Variants in ZNF248 observed in about 807,000 individuals in gnomAD.
ZNF248 encodes the protein zinc finger protein 248, also known as KRAB protein domain.
ZNF248 carries 20 observed loss-of-function variants against 44.3 expected under a neutral mutation model. The observed-to-expected ratio is 0.45, with a 90% confidence interval of 0.32 to 0.66. The LOEUF is 0.66. Ranked by LOEUF, ZNF248 falls within the 30% of genes least tolerant of loss-of-function variation. The pLI, the probability that ZNF248 is intolerant of heterozygous loss-of-function variation, is 0.04. For synonymous variants in ZNF248, 224 were observed against 229.0 expected (o/e 0.98, Z 0.20); for missense variants, 654 against 677.0 (o/e 0.97, Z 0.38).
chr10:37,767,922 T>C, the ZNF248 span, among the ~76,000 whole-genome samples: 1 of 151,946 alleles, frequency 6.6e-6, no homozygotes. Context: ...AATAAAGGGA[T>C]GGAGGAAGAT....
At position 37,832,230 on chromosome 10, in the gene ZNF248, T is replaced by C; in HGVS notation, c.1125A>G (p.Thr375=). 1.2e-6 allele frequency: 2 copies of C among 1,614,090 alleles called. No homozygotes were observed. Among genetic ancestry groups the C allele is most frequent in the African/African-American group, 1.3e-5 (1 of 75,052 alleles). The change falls in exon 6 of 6, where the codon ACA becomes ACG. Residue 375 remains threonine, a synonymous_variant. Transcript: ENST00000395867. ...CACCACATTCAAAGGTTTTTTCTCC[T>C]GTGTGAGCTCTCCGAAGCTGGGTAA... The part of the protein sequence containing the change: ...SHLTQLRRAH[T]GEKTFECGEC...
chr10:37,853,195 C>T (rs183839761), intron 3 of ZNF248, among the ~76,000 whole-genome samples: 1 of 152,124 alleles, frequency 6.6e-6, no homozygotes, highest in Admixed American at 6.5e-5. Context: ...AGAACCAACC[C>T]CTGCCAAAAT....
At chr10:37,770,013 C>A in the ZNF248 span, among the ~76,000 whole-genome samples, 1 of 152,186 alleles carries the variant, frequency 6.6e-6, no homozygotes, top group Non-Finnish European at 1.5e-5. Context: ...TGAGTGAACT[C>A]CCTTTCACCA....
At chr10:37,796,066 G>A (rs1436820277) in intron 6 of ZNF248, 2 of 152,060 alleles carry the variant, frequency 1.3e-5, no homozygotes, top group African/African-American at 2.4e-5. Context: ...CTCTCAGGAA[G>A]AAAATGCAAA....
intron 6 of ZNF248, among the ~76,000 whole-genome samples, chr10:37,784,677 G>A (rs191038069): frequency 3.9e-5 from 6 of 152,156 alleles, no homozygotes; most frequent in East Asian, 3.9e-4. Context: ...ATATTGTCTC[G>A]TCCTAGTCTT....
intron 6 of ZNF248, among the ~76,000 whole-genome samples, chr10:37,789,520 G>A (rs1415303756): frequency 6.6e-6 from 1 of 152,160 alleles, no homozygotes; most frequent in Non-Finnish European, 1.5e-5. Flanking sequence ...CCCCTTCTCA[G>A]TGCTTTCAAG....
chr10:37,778,519 G>A (rs1180201881), intron 6 of ZNF248, among the ~76,000 whole-genome samples: 3 of 151,916 alleles, frequency 2.0e-5, no homozygotes, highest in East Asian at 3.9e-4. Flanking sequence ...TTCTTTTGCT[G>A]TGCAGAAGCT....
chr10:37,765,059 C>A, the ZNF248 span, among the ~76,000 whole-genome samples: 2 of 151,932 alleles, frequency 1.3e-5, no homozygotes, highest in Non-Finnish European at 2.9e-5. Flanking sequence ...CTCCTGGTTT[C>A]AAGAGATTCT....
At chr10:37,764,677 A>G in the ZNF248 span, among the ~76,000 whole-genome samples, 5 of 152,130 alleles carry the variant, frequency 3.3e-5, no homozygotes, top group East Asian at 9.6e-4. Flanking sequence ...CGACACCGGG[A>G]AAATAGAAAA....
intron 3 of ZNF248, 64 bp from the exon 4 acceptor site, chr10:37,838,175 AG>A: frequency 6.7e-7 from 1 of 1,488,084 alleles, no homozygotes; most frequent in Non-Finnish European, 9.1e-7. Flanking sequence ...AAGATTTAAG[AG>A]AACTAATCTC....
intron 4 of ZNF248, 60 bp downstream of exon 4, chr10:37,837,925 C>A: frequency 6.3e-7 from 1 of 1,579,282 alleles, no homozygotes. Flanking sequence ...CAGAAAACTA[C>A]AGGGCATCAA....
At chr10:37,820,905 A>C in intron 6 of ZNF248, 1 of 1,482,408 alleles carries the variant, frequency 6.7e-7, no homozygotes, top group Non-Finnish European at 9.4e-7. Context: ...AGTTTTCCTT[A>C]CTAATACCTA....
intron 6 of ZNF248, among the ~76,000 whole-genome samples, chr10:37,787,671 C>T (rs766279996): frequency 9.3e-5 from 14 of 151,326 alleles, no homozygotes; most frequent in Non-Finnish European, 1.6e-4. Context: ...GTAACTTAGA[C>T]CTTTACCTCA....
Position 37,831,134 on chromosome 10 carries a change from TA to T in ZNF248, c.*480del. On this transcript the variant is annotated 3_prime_UTR_variant, in exon 6 of 6. Coordinates refer to ENST00000395867, the MANE Select transcript of ZNF248 (RefSeq NM_021045.3). ...TAGAAAATATTAACAAATACCATAG[TA>T]GTTACTCAATTAAGGGTACGTATCT... 1 of 1,458,042 alleles carries T rather than the reference TA, an allele frequency of 6.9e-7. No homozygotes were observed. Among genetic ancestry groups the T allele is most frequent in the Non-Finnish European group, 9.1e-7 (1 of 1,103,778 alleles). The allele number at this position is 1,458,042 out of a possible 1,614,324, so 90.3% of individuals were successfully genotyped here. A position where few individuals can be genotyped will look rare whatever the true frequency, so the allele number is the denominator to read the frequency against.
chr10:37,836,267 G>A (rs1361736413), intron 5 of ZNF248, among the ~76,000 whole-genome samples: 1 of 152,098 alleles, frequency 6.6e-6, no homozygotes, highest in Admixed American at 6.5e-5. Context: ...TATATACACT[G>A]CATAGATGTC....
intron 6 of ZNF248, among the ~76,000 whole-genome samples, chr10:37,788,348 CG>C (rs1564467647): frequency 6.8e-6 from 1 of 146,584 alleles, no homozygotes; most frequent in Non-Finnish European, 1.5e-5. Flanking sequence ...GGGCCAGACA[CG>C]GTGGCTCACA....
intron 5 of ZNF248, 117 bp from the exon 6 acceptor site, chr10:37,833,233 T>C: frequency 7.2e-7 from 1 of 1,381,444 alleles, no homozygotes. Context: ...TTCAGTTTCC[T>C]GGTGTGAACT....
chr10:37,820,267 G>T, intron 6 of ZNF248: 1 of 1,375,716 alleles, frequency 7.3e-7, no homozygotes, highest in South Asian at 1.2e-5. Context: ...CTGCAGAAAT[G>T]CTCTGTGTTG....
chr10:37,764,608 G>T, the ZNF248 span, among the ~76,000 whole-genome samples: 3 of 152,008 alleles, frequency 2.0e-5, no homozygotes, highest in Non-Finnish European at 4.4e-5. Flanking sequence ...GTCTCCCCTG[G>T]ACACCCAGCT....
Sources: allele counts gnomAD v4.1 joint callset (sites outside exome capture counted in the v4.1 genomes callset), GRCh38; gene constraint gnomAD v4.1.1; transcripts MANE v1.5; gene names NCBI Gene and HGNC (gene_info 2026-07-23, HGNC 2026-07-21).